The following ADGRB3 variants were observed in gnomAD, a reference collection of about 807,000 sequenced individuals.
The protein encoded by ADGRB3 is brain-specific angiogenesis inhibitor 3.
Under a neutral mutation model 193.4 loss-of-function variants are expected in ADGRB3, and 37 were observed. That is an observed-to-expected ratio of 0.19 (90% CI 0.15 to 0.25). The LOEUF (loss-of-function observed/expected upper bound fraction) is 0.25. Among genes scored for constraint, ADGRB3 ranks in the 10% least tolerant of loss-of-function variants. The pLI is 1.00. For synonymous variants in ADGRB3, 690 were observed against 644.2 expected (o/e 1.07, Z -1.08); for missense variants, 1,637 against 1,852.9 (o/e 0.88, Z 2.14).
intron 17 of ADGRB3, among the ~76,000 whole-genome samples, chr6:69,216,208 A>G (rs1454959750): frequency 6.6e-6 from 1 of 152,192 alleles, no homozygotes. Context: ...GCTCTAGGCT[A>G]AAGAATGTAC....
intron 20 of ADGRB3, among the ~76,000 whole-genome samples, chr6:69,294,616 C>G (rs1767768322): frequency 6.6e-6 from 1 of 152,100 alleles, no homozygotes; most frequent in Non-Finnish European, 1.5e-5. Context: ...GCACTGTTAG[C>G]TCTTAAAATA....
Position 69,316,055 on chromosome 6 carries a change from T to C in ADGRB3, c.2815-8817T>C, listed in dbSNP as rs917144217. 3.2e-4 allele frequency among the ~76,000 whole-genome samples: 49 copies of C among 151,482 alleles called. 1 individual carries two copies. The highest frequency in any genetic ancestry group is 1.2e-3 in the African/African-American group (48 of 41,476). ...TTAATTTTTTTATATAATCTTTCTG[T>C]CATAACAAACATGTTCTCTTTTGCT... On this transcript the variant is annotated intron_variant, in intron 20 of 31. Coordinates refer to ENST00000370598, the MANE Select transcript of ADGRB3 (RefSeq NM_001704.3).
intron 3 of ADGRB3, among the ~76,000 whole-genome samples, chr6:68,762,485 AAT>A (rs144260164): frequency 1.5e-4 from 23 of 151,404 alleles, no homozygotes; most frequent in African/African-American, 5.6e-4. Context: ...TCCAACCATG[AAT>A]ATATATATAT....
chr6:68,935,841 A>T (rs1052425188), intron 4 of ADGRB3, among the ~76,000 whole-genome samples: 4 of 152,182 alleles, frequency 2.6e-5, no homozygotes, highest in Non-Finnish European at 5.9e-5. Flanking sequence ...TTAATTCCAT[A>T]TCAAATTAAT....
chr6:69,024,449 T>A (rs1442908324), intron 13 of ADGRB3, among the ~76,000 whole-genome samples: 1 of 152,210 alleles, frequency 6.6e-6, no homozygotes, highest in African/African-American at 2.4e-5. Flanking sequence ...CCCATAAAAT[T>A]TTGATACAGT....
intron 17 of ADGRB3, among the ~76,000 whole-genome samples, chr6:69,079,411 T>C (rs1772324184): frequency 6.6e-6 from 1 of 152,044 alleles, no homozygotes; most frequent in Non-Finnish European, 1.5e-5. Context: ...AACTAAGTAT[T>C]GATGGAACAT....
chr6:69,363,569 A>G (rs1239354184), intron 29 of ADGRB3, among the ~76,000 whole-genome samples: 1 of 152,046 alleles, frequency 6.6e-6, no homozygotes, highest in Non-Finnish European at 1.5e-5. Flanking sequence ...TAGGAATAGA[A>G]TCTTTCTGTC....
At chr6:68,667,857 A>G (rs1383877426) in intron 3 of ADGRB3, among the ~76,000 whole-genome samples, 1 of 151,836 alleles carries the variant, frequency 6.6e-6, no homozygotes, top group Non-Finnish European at 1.5e-5. Context: ...GTGTTCTGGA[A>G]AATAAGAGAC....
chr6:69,359,328 T>C (rs951270388), intron 28 of ADGRB3, among the ~76,000 whole-genome samples: 15 of 151,686 alleles, frequency 9.9e-5, no homozygotes, highest in African/African-American at 3.6e-4. Flanking sequence ...AAATTACAAC[T>C]CATTATTGAT....
At chr6:69,227,897 A>T (rs571805214) in intron 17 of ADGRB3, among the ~76,000 whole-genome samples, 1 of 152,370 alleles carries the variant, frequency 6.6e-6, no homozygotes, top group Admixed American at 6.5e-5. Context: ...CTGCAAATGA[A>T]TTACGACAAA....
At chr6:69,266,001 G>C (rs1407410873) in intron 20 of ADGRB3, among the ~76,000 whole-genome samples, 2 of 152,116 alleles carry the variant, frequency 1.3e-5, no homozygotes, top group South Asian at 2.1e-4. Flanking sequence ...CTTTCAGAAA[G>C]TGTATTAAGA....
chr6:68,663,215 AATAAATT>A (rs1231725176), intron 3 of ADGRB3, among the ~76,000 whole-genome samples: 1 of 151,506 alleles, frequency 6.6e-6, no homozygotes, highest in African/African-American at 2.4e-5. Context: ...ATTTGTAAAC[AATAAATT>A]ATAGTTTGTG....
At chr6:68,726,828 A>C (rs1038726891) in intron 3 of ADGRB3, among the ~76,000 whole-genome samples, 6 of 151,506 alleles carry the variant, frequency 4.0e-5, no homozygotes, top group African/African-American at 1.5e-4. Flanking sequence ...TATAAAGCAG[A>C]CAGGGCACTG....
intron 17 of ADGRB3, among the ~76,000 whole-genome samples, chr6:69,168,666 A>G (rs2150347086): frequency 6.6e-6 from 1 of 152,214 alleles, no homozygotes; most frequent in African/African-American, 2.4e-5. Context: ...ATTAATTTAA[A>G]ATTTAATTTT....
chr6:68,640,407 C>A (rs2802699), intron 3 of ADGRB3, among the ~76,000 whole-genome samples: 63,992 of 152,126 alleles, frequency 0.42, 14,237 homozygotes, highest in African/African-American at 0.57. Flanking sequence ...TAATGCAAGA[C>A]AGCGTGACAT....
chr6:69,299,921 T>G (rs1767914238), intron 20 of ADGRB3, among the ~76,000 whole-genome samples: 1 of 151,856 alleles, frequency 6.6e-6, no homozygotes, highest in African/African-American at 2.4e-5. Flanking sequence ...ATATGAAGAC[T>G]ATCATTGGTA....
intron 13 of ADGRB3, among the ~76,000 whole-genome samples, chr6:69,026,173 A>G (rs1490705496): frequency 6.6e-6 from 1 of 152,218 alleles, no homozygotes; most frequent in African/African-American, 2.4e-5. Context: ...CAGATGTCAA[A>G]CCATGCCATC....
intron 3 of ADGRB3, among the ~76,000 whole-genome samples, chr6:68,722,041 G>A (rs1483224791): frequency 2.0e-5 from 3 of 151,136 alleles, no homozygotes; most frequent in East Asian, 2.0e-4. Flanking sequence ...CATTATTCAT[G>A]TTTTTTTAGT....
chr6:69,293,669 C>T (rs1767742844), intron 20 of ADGRB3, among the ~76,000 whole-genome samples: 1 of 152,136 alleles, frequency 6.6e-6, no homozygotes, highest in Admixed American at 6.6e-5. Context: ...GCTACTCCCT[C>T]CCCATTTGTA....
Sources: allele counts gnomAD v4.1 joint callset (sites outside exome capture counted in the v4.1 genomes callset), GRCh38; gene constraint gnomAD v4.1.1; transcripts MANE v1.5; gene names NCBI Gene and HGNC (gene_info 2026-07-23, HGNC 2026-07-21).